The following ERGIC1 variants were observed in gnomAD, a reference collection of about 807,000 sequenced individuals.
ERGIC1 encodes the protein endoplasmic reticulum-Golgi intermediate compartment protein 1.
ERGIC1 carries 19 observed loss-of-function variants against 38.3 expected under a neutral mutation model. The ratio of observed to expected loss-of-function variants is 0.50; its 90% CI spans 0.35 to 0.73. The LOEUF (loss-of-function observed/expected upper bound fraction) is 0.73, where lower values mean the gene tolerates loss of function less well. Ranked by LOEUF, ERGIC1 falls within the 30% of genes least tolerant of loss-of-function variation. The pLI is 0.01. For synonymous variants in ERGIC1, 124 were observed against 157.6 expected (o/e 0.79, Z 1.60); for missense variants, 294 against 389.2 (o/e 0.76, Z 2.06).
chr5:172,927,439 G>A (rs1373696312), intron 7 of ERGIC1, among the ~76,000 whole-genome samples: 1 of 152,052 alleles, frequency 6.6e-6, no homozygotes, highest in East Asian at 1.9e-4. Context: ...TCCATAAGCA[G>A]AACTCACTTT....
At chr5:172,931,785 G>A (rs1453289691) in intron 7 of ERGIC1, among the ~76,000 whole-genome samples, 1 of 151,612 alleles carries the variant, frequency 6.6e-6, no homozygotes, top group Non-Finnish European at 1.5e-5. Context: ...CCCAATCCAT[G>A]GACACATGTG....
At chr5:172,949,286 C>T (rs925818381) in intron 9 of ERGIC1, among the ~76,000 whole-genome samples, 1 of 152,190 alleles carries the variant, frequency 6.6e-6, no homozygotes, top group African/African-American at 2.4e-5. Context: ...AGAGCACAGA[C>T]TCCAAAGTTT....
At chr5:172,911,282 CT>C (rs771836131) in intron 4 of ERGIC1, among the ~76,000 whole-genome samples, 2 of 152,174 alleles carry the variant, frequency 1.3e-5, no homozygotes, top group African/African-American at 4.8e-5. Flanking sequence ...ATAGGTCGGT[CT>C]TATTTTTTGT....
intron 7 of ERGIC1, 94 bp from the exon 8 acceptor site, chr5:172,932,342 G>T: frequency 7.8e-7 from 1 of 1,280,242 alleles, no homozygotes; most frequent in Non-Finnish European, 1.1e-6. Flanking sequence ...CCCCTGCCGT[G>T]CCCAGGGAAT....
intron 1 of ERGIC1, among the ~76,000 whole-genome samples, chr5:172,887,905 G>A (rs948381039): frequency 1.3e-5 from 2 of 152,216 alleles, no homozygotes; most frequent in Non-Finnish European, 2.9e-5. Flanking sequence ...AGTGGAAACA[G>A]GAGGAGGCAG....
In ERGIC1 at chr5:172,928,915, A is replaced by G. The variant is rs549091855; in HGVS notation, c.541+2346A>G. On this transcript the variant is annotated intron_variant, in intron 7 of 9. Transcript: ENST00000393784. ...ATGAGATGCGTGTACAGAGTTTAGT[A>G]CACGGCCTGCCACATTGTGAGTGCT... is the stretch of plus-strand genomic sequence containing the variant. Among the ~76,000 whole-genome samples, 4 of 152,308 alleles carry G rather than the reference A, an allele frequency of 2.6e-5. No individual in the cohort carries two copies. The South Asian group carries it at 8.3e-4, about 32-fold the overall frequency.
At chr5:172,851,495 C>T (rs1384645891) in intron 1 of ERGIC1, among the ~76,000 whole-genome samples, 2 of 152,276 alleles carry the variant, frequency 1.3e-5, no homozygotes, top group East Asian at 3.9e-4. Context: ...GGTGACAGAG[C>T]AAGACTCCGT....
chr5:172,917,965 A>G (rs1581573815), intron 5 of ERGIC1: 1 of 152,228 alleles, frequency 6.6e-6, no homozygotes, highest in Non-Finnish European at 1.5e-5. Flanking sequence ...GGAGTTCAAG[A>G]CCAGCCTGGT....
chr5:172,891,112 G>T (rs117867897), intron 2 of ERGIC1, among the ~76,000 whole-genome samples: 1 of 152,234 alleles, frequency 6.6e-6, no homozygotes, highest in Non-Finnish European at 1.5e-5. Flanking sequence ...TGCAGGGCAC[G>T]TACTAACCCC....
intron 1 of ERGIC1, among the ~76,000 whole-genome samples, chr5:172,869,080 C>T (rs1050458107): frequency 6.6e-6 from 1 of 152,132 alleles, no homozygotes; most frequent in African/African-American, 2.4e-5. Context: ...CAGGAGTGCA[C>T]CTTGCGTGGG....
rs141009541 is a variant in ERGIC1, at chr5:172,857,645, C to T, written c.20+23212C>T. Among the ~76,000 whole-genome samples the T allele has an allele frequency of 4.7e-5, 7 of 147,706 alleles. No homozygotes were observed. The East Asian group carries it at 1.2e-3, about 26-fold the overall frequency. On this transcript the variant is annotated intron_variant, in intron 1 of 9. Coordinates refer to ENST00000393784, the MANE Select transcript of ERGIC1 (RefSeq NM_001031711.3). ...GGCCAAAATGAGAATAGTGCACCTGCCAATAAGGGCTCAGCCATGGCCACG... is the reference window on the plus strand; with the variant it reads ...GGCCAAAATGAGAATAGTGCACCTGTCAATAAGGGCTCAGCCATGGCCACG...
chr5:172,945,411 G>A (rs1199588990), intron 9 of ERGIC1, among the ~76,000 whole-genome samples: 1 of 152,216 alleles, frequency 6.6e-6, no homozygotes, highest in Non-Finnish European at 1.5e-5. Context: ...TCCTGTTCCT[G>A]TATGACTCGT....
intron 1 of ERGIC1, among the ~76,000 whole-genome samples, chr5:172,858,602 T>C (rs13186108): frequency 0.62 from 95,001 of 152,114 alleles, 30,406 homozygotes; most frequent in South Asian, 0.74. Context: ...CTGAGTCCTC[T>C]GCCGGCATCC....
At chr5:172,840,924 A>ATGCCGCACTGGC (rs1298411134) in intron 1 of ERGIC1, among the ~76,000 whole-genome samples, 1 of 152,208 alleles carries the variant, frequency 6.6e-6, no homozygotes, top group Non-Finnish European at 1.5e-5. Flanking sequence ...GTGTCCCTCC[A>ATGCCGCACTGGC]TGCCGCACTG....
rs73325142 is a variant in ERGIC1, at chr5:172,876,254, T to C, written c.21-12445T>C. On this transcript the variant is annotated intron_variant, in intron 1 of 9. Transcript: ENST00000393784. Reference sequence around the variant, plus strand: ...GCTGATTATTGTCTAGAGCCAGGATTTCATCAGTGGATGCACAAAGAGGAT... The same window carrying C: ...GCTGATTATTGTCTAGAGCCAGGATCTCATCAGTGGATGCACAAAGAGGAT... 1.9e-3 allele frequency among the ~76,000 whole-genome samples: 282 copies of C among 152,356 alleles called. 1 individual carries two copies. The highest frequency in any genetic ancestry group is 6.4e-3 in the African/African-American group (266 of 41,580).
intron 5 of ERGIC1, chr5:172,915,666 G>A: frequency 4.2e-6 from 2 of 470,770 alleles, no homozygotes; most frequent in African/African-American, 2.0e-5. Flanking sequence ...TCTCAACAAC[G>A]CTGTGAGGCA....
At chr5:172,849,302 C>A (rs141977211) in intron 1 of ERGIC1, among the ~76,000 whole-genome samples, 64 of 152,302 alleles carry the variant, frequency 4.2e-4, no homozygotes, top group Non-Finnish European at 7.1e-4. Context: ...TCCCTAATCA[C>A]CTGGGGCCCT....
intron 1 of ERGIC1, among the ~76,000 whole-genome samples, chr5:172,874,494 C>A (rs1762095547): frequency 6.6e-6 from 1 of 152,214 alleles, no homozygotes; most frequent in Admixed American, 6.5e-5. Flanking sequence ...TGAACCTACT[C>A]TATGCCGGAC....
Position 172,853,159 on chromosome 5 carries a change from C to T in ERGIC1, c.20+18726C>T, listed in dbSNP as rs34123092. On this transcript the variant is annotated intron_variant, in intron 1 of 9. Coordinates refer to ENST00000393784, the MANE Select transcript of ERGIC1 (RefSeq NM_001031711.3). ...GGTGGTTTACCACGTGCTGTTGTTG[C>T]CTGGAAAGGTATTGCGCAGGATGCC... 1.1e-4 allele frequency among the ~76,000 whole-genome samples: 16 copies of T among 152,218 alleles called. No individual in the cohort carries two copies. In the East Asian group the frequency reaches 2.7e-3, roughly 26 times the overall value.
Sources: allele counts gnomAD v4.1 joint callset (sites outside exome capture counted in the v4.1 genomes callset), GRCh38; gene constraint gnomAD v4.1.1; transcripts MANE v1.5; gene names NCBI Gene and HGNC (gene_info 2026-07-23, HGNC 2026-07-21).